The following TENM3 variants were observed in gnomAD, a reference collection of about 807,000 sequenced individuals.
TENM3 encodes the protein teneurin transmembrane protein 3.
Under a neutral mutation model 255.1 loss-of-function variants are expected in TENM3, and 63 were observed. The ratio of observed to expected loss-of-function variants is 0.25; its 90% CI spans 0.20 to 0.30. The LOEUF (loss-of-function observed/expected upper bound fraction) is 0.30. TENM3 is among the 10% of genes least tolerant of loss of function. The probability of loss-of-function intolerance (pLI) is 1.00; values close to 1 mark genes in which losing one functional copy is unlikely to be tolerated. For synonymous variants in TENM3, 1,306 were observed against 1,322.3 expected (o/e 0.99, Z 0.27); for missense variants, 2,929 against 3,461.1 (o/e 0.85, Z 3.86).
At chr4:182,146,666 A>G (rs1242246365) in intron 1 of TENM3, among the ~76,000 whole-genome samples, 5 of 152,208 alleles carry the variant, frequency 3.3e-5, no homozygotes, top group African/African-American at 1.2e-4. Context: ...CACATTTTAC[A>G]TGCACTGCAC....
chr4:181,611,155 C>T, the TENM3 span, among the ~76,000 whole-genome samples: 1 of 152,160 alleles, frequency 6.6e-6, no homozygotes, highest in East Asian at 1.9e-4. Context: ...TACACCTAAG[C>T]GTCATAGCTG....
the TENM3 span, among the ~76,000 whole-genome samples, chr4:181,508,622 C>T: frequency 1.3e-5 from 2 of 152,048 alleles, no homozygotes; most frequent in African/African-American, 2.4e-5. Flanking sequence ...CTGAACTGTC[C>T]GTCGGCTCTG....
chr4:182,259,553 G>A (rs1230550886), intron 1 of TENM3, among the ~76,000 whole-genome samples: 2 of 152,060 alleles, frequency 1.3e-5, no homozygotes, highest in Non-Finnish European at 2.9e-5. Context: ...ACTCAAGCAA[G>A]CATTCTGCCT....
chr4:182,509,261 T>A (rs1184939672), intron 3 of TENM3, among the ~76,000 whole-genome samples: 1 of 152,256 alleles, frequency 6.6e-6, no homozygotes, highest in African/African-American at 2.4e-5. Flanking sequence ...CAGATGTGTT[T>A]AACTCCATTT....
chr4:182,330,712 T>C (rs7660692), intron 2 of TENM3, among the ~76,000 whole-genome samples: 12,661 of 152,230 alleles, frequency 0.083, 558 homozygotes, highest in African/African-American at 0.11. Context: ...CCAACTGAAT[T>C]AGAATCATGG....
chr4:181,565,099 A>G, the TENM3 span, among the ~76,000 whole-genome samples: 1 of 152,242 alleles, frequency 6.6e-6, no homozygotes, highest in Admixed American at 6.5e-5. Context: ...AAGATAATTT[A>G]CAGCCCGTTT....
chr4:181,613,310 C>G, the TENM3 span, among the ~76,000 whole-genome samples: 1 of 152,166 alleles, frequency 6.6e-6, no homozygotes, highest in African/African-American at 2.4e-5. Flanking sequence ...GATTCCTTCC[C>G]CTCGGGAACT....
intron 1 of TENM3, among the ~76,000 whole-genome samples, chr4:182,275,195 T>G: frequency 6.6e-6 from 1 of 152,170 alleles, no homozygotes. Context: ...ATGGCAGAGT[T>G]TCCTCCTGTG....
chr4:182,735,286 C>T (rs1761075836), intron 16 of TENM3, among the ~76,000 whole-genome samples: 1 of 152,182 alleles, frequency 6.6e-6, no homozygotes, highest in Non-Finnish European at 1.5e-5. Flanking sequence ...TCTTACTGTA[C>T]TGTACTGTAC....
intron 3 of TENM3, among the ~76,000 whole-genome samples, chr4:182,518,683 T>C (rs558181998): frequency 6.6e-6 from 1 of 152,320 alleles, no homozygotes; most frequent in East Asian, 1.9e-4. Context: ...GCAGCTCAGC[T>C]GACACCTTGA....
Position 182,792,309 on chromosome 4 carries a change from C to T in TENM3, c.5637C>T (p.Tyr1879=), listed in dbSNP as rs1368408825. The T allele has an allele frequency of 6.2e-7, 1 of 1,613,868 alleles. No individual in the cohort carries two copies. Among genetic ancestry groups the T allele is most frequent in the Non-Finnish European group, 8.5e-7 (1 of 1,179,852 alleles). ...TTCTGCTTCATAGCCAGCGGCAGTA[C>T]ATCTTCGAATACGATATGTGGGACC... ...MVLLLHSQRQ[Y]IFEYDMWDRL... is the part of the protein sequence containing the mutation. Residue 1879 remains tyrosine, a synonymous_variant, in exon 26 of 28, where the codon TAC becomes TAT. Transcript: ENST00000511685. This position sits in a 1 kb window ranked among gnomAD's most constrained non-coding sequence, Gnocchi z 6.3.
At chr4:182,486,308 T>TTA (rs1734700601) in intron 3 of TENM3, among the ~76,000 whole-genome samples, 1 of 52,754 alleles carries the variant, frequency 1.9e-5, no homozygotes, top group Admixed American at 3.1e-4. Context: ...AGTATTTTAA[T>TTA]TGTGTGTGGG....
At chr4:182,468,658 TCTG>T (rs1561479971) in intron 3 of TENM3, among the ~76,000 whole-genome samples, 1 of 152,230 alleles carries the variant, frequency 6.6e-6, no homozygotes, top group Non-Finnish European at 1.5e-5. Context: ...CTTGTTATGA[TCTG>T]CTTTTTTGGT....
rs544125451 is a variant in TENM3 at position 182,757,176 on chromosome 4, G to A, written c.4892+1917G>A. ...AAATACAAAAAATTCGCCAGGCGTG[G>A]TGGCAGGTGCCTATAGTGCCAGCTA... is the stretch of plus-strand genomic sequence containing the variant. On this transcript the variant is annotated intron_variant, in intron 22 of 27. Coordinates refer to ENST00000511685, the MANE Select transcript of TENM3 (RefSeq NM_001080477.4). Among the ~76,000 whole-genome samples, 15 of 152,160 alleles carry A rather than the reference G, an allele frequency of 9.9e-5. 1 individual carries two copies. Among genetic ancestry groups the A allele is most frequent in the African/African-American group, 2.9e-4 (12 of 41,508 alleles).
chr4:181,598,055 A>G, the TENM3 span, among the ~76,000 whole-genome samples: 5 of 152,148 alleles, frequency 3.3e-5, no homozygotes, highest in East Asian at 9.7e-4. Flanking sequence ...CTGCTAGGGT[A>G]TTAGTAGGAC....
At chr4:181,939,384 G>A in the TENM3 span, among the ~76,000 whole-genome samples, 2 of 152,172 alleles carry the variant, frequency 1.3e-5, no homozygotes, top group Admixed American at 6.5e-5. Flanking sequence ...CCTAGGAAAA[G>A]CTCCTGGAGA....
chr4:182,732,898 A>G lies in TENM3; in HGVS notation c.2967+1759A>G, dbSNP rs988047236. On this transcript the variant is annotated intron_variant, in intron 16 of 27. Transcript: ENST00000511685. The stretch of plus-strand genomic sequence containing the variant: ...GAAAAATCTGTGGTCATTAAAGTAC[A>G]CTAGCACATAGCAGCTTTGTCATAT... 3.9e-5 allele frequency among the ~76,000 whole-genome samples: 6 copies of G among 152,204 alleles called. 1 individual carries two copies. The highest frequency in any genetic ancestry group is 1.4e-4 in the African/African-American group (6 of 41,442).
chr4:181,815,426 G>A, the TENM3 span, among the ~76,000 whole-genome samples: 2 of 135,904 alleles, frequency 1.5e-5, no homozygotes, highest in African/African-American at 2.8e-5. Flanking sequence ...TCATGCCAGT[G>A]CACTCCAGCC....
chr4:181,511,674 G>A, the TENM3 span, among the ~76,000 whole-genome samples: 1 of 152,076 alleles, frequency 6.6e-6, no homozygotes, highest in Non-Finnish European at 1.5e-5. Context: ...TTGCCTACAT[G>A]ACAAACCAGC....
Sources: allele counts gnomAD v4.1 joint callset (sites outside exome capture counted in the v4.1 genomes callset), GRCh38; gene constraint gnomAD v4.1.1; non-coding constraint Gnocchi (gnomAD v3.1); transcripts MANE v1.5; gene names NCBI Gene and HGNC (gene_info 2026-07-23, HGNC 2026-07-21).